Variants in PIGG observed in about 807,000 individuals in gnomAD.
The protein encoded by PIGG is GPI ethanolamine phosphate transferase 2, catalytic subunit.
Under a neutral mutation model 83.2 loss-of-function variants are expected in PIGG, and 70 were observed. That is an observed-to-expected ratio of 0.84 (90% CI 0.69 to 1.03). PIGG has a LOEUF of 1.03. Among genes scored for constraint, PIGG ranks in the 50% least tolerant of loss-of-function variants. PIGG has a pLI of 0.00. For synonymous variants in PIGG, 532 were observed against 519.5 expected, an observed-to-expected ratio of 1.02 and a Z score of -0.33; for missense variants, 1,257 against 1,233.6, an observed-to-expected ratio of 1.02 and a Z score of -0.28.
intron 4 of PIGG, among the ~76,000 whole-genome samples, chr4:508,625 T>C (rs2108813054): frequency 6.6e-6 from 1 of 152,346 alleles, no homozygotes; most frequent in Non-Finnish European, 1.5e-5. Context: ...CCATGAGCTG[T>C]GTACAATTCT....
rs1716752183 is a variant in PIGG at position 499,505 on chromosome 4, C to CG, written c.154+18dup. 1 of 1,580,788 alleles carries CG rather than the reference C, an allele frequency of 6.3e-7. No homozygotes were observed. Among genetic ancestry groups the CG allele is most frequent in the Non-Finnish European group, 8.5e-7 (1 of 1,170,158 alleles). On this transcript the variant is annotated intron_variant, in intron 1 of 12. Transcript: ENST00000453061. ...CCCTCGGCTGGTACGGACCCCTCCC[C>CG]GGCGTCTCCGCTCCCCTGACCCCAC...
chr4:522,010 T>C, intron 8 of PIGG, 69 bp downstream of exon 8: 1 of 1,550,192 alleles, frequency 6.5e-7, no homozygotes, highest in Non-Finnish European at 8.9e-7. Context: ...TATTTCAGGC[T>C]GCCTTTCGTT....
intron 1 of PIGG, 186 bp downstream of exon 1, chr4:499,675 G>A: frequency 7.1e-7 from 1 of 1,409,580 alleles, no homozygotes; most frequent in Non-Finnish European, 9.2e-7. Context: ...CAACTTTGTG[G>A]CAACCACCTC....
In PIGG at chr4:533,957, A is replaced by G. The variant is rs899621845; in HGVS notation, c.2711A>G (p.His904Arg). ...GTGCTGTGGGCCAGCCACTTAGTGC[A>G]CTTCCTGAGCTCAGAAACACGCAGG... ...GPVLWASHLV[H>R]FLSSETRSGS... The change falls in exon 12 of 13, where the codon CAC becomes CGC. Residue 904 changes from histidine (H) to arginine (R), a missense_variant. Coordinates refer to ENST00000453061, the MANE Select transcript of PIGG (RefSeq NM_001127178.3). The G allele has an allele frequency of 2.5e-6, 4 of 1,614,108 alleles. No individual in the cohort carries two copies. Among genetic ancestry groups the G allele is most frequent in the Non-Finnish European group, 1.7e-6 (2 of 1,179,998 alleles).
rs1451377050 is a variant in PIGG at position 539,352 on chromosome 4, A to G, written c.2935A>G (p.Arg979Gly). The G allele has an allele frequency of 1.9e-6, 3 of 1,604,582 alleles. No individual in the cohort carries two copies. Among genetic ancestry groups the G allele is most frequent in the Non-Finnish European group, 2.6e-6 (3 of 1,171,874 alleles). Reference protein sequence around the residue: ...CVFFTAMDQTRLTQS With the variant: ...CVFFTAMDQTGLTQS ...ATTCTTCACGGCAATGGATCAAACC[A>G]GACTCACACAGTCTTAGACTAAGCT... is the stretch of plus-strand genomic sequence containing the variant. The change falls in exon 13 of 13, where the codon AGA (arginine) becomes GGA (glycine). Residue 979 changes from arginine (R) to glycine (G), a missense_variant. Coordinates refer to ENST00000453061, the MANE Select transcript of PIGG (RefSeq NM_001127178.3).
chr4:507,343 C>G (rs1553880059), intron 3 of PIGG, 62 bp from the exon 4 acceptor site: 1 of 1,338,354 alleles, frequency 7.5e-7, no homozygotes, highest in Non-Finnish European at 1.0e-6. Flanking sequence ...TGCGTTTTCC[C>G]CGGGGAGTGA....
intron 11 of PIGG, 153 bp downstream of exon 11, chr4:530,898 G>A (rs1302316216): frequency 2.7e-5 from 17 of 622,838 alleles, no homozygotes; most frequent in Non-Finnish European, 4.5e-5. Flanking sequence ...ATAAGACAAA[G>A]TACAGCCGGT....
At chr4:533,743 G>A (rs1365039079) in intron 11 of PIGG, 75 bp from the exon 12 acceptor site, 25 of 1,401,772 alleles carry the variant, frequency 1.8e-5, no homozygotes, top group Non-Finnish European at 2.2e-5. Context: ...CGCTAACATC[G>A]TGGCTCACGC....
chr4:500,449 A>G lies in PIGG; in HGVS notation c.208A>G (p.Ile70Val). 6.2e-7 allele frequency: 1 copy of G among 1,614,008 alleles called. No homozygotes were observed. Among genetic ancestry groups the G allele is most frequent in the Non-Finnish European group, 8.5e-7 (1 of 1,179,894 alleles). ...LPPPLFSKVV[I>V]VLIDALRDDF... ...ACCACCTCTCTTCAGTAAAGTTGTTATTGTTCTGATAGATGCCTTGAGAGA... is the reference window on the plus strand; with the variant it reads ...ACCACCTCTCTTCAGTAAAGTTGTTGTTGTTCTGATAGATGCCTTGAGAGA... The change falls in exon 2 of 13, where the codon ATT becomes GTT. Residue 70 changes from isoleucine to valine, a missense_variant. Transcript: ENST00000453061.
chr4:517,877 T>G (rs1240885504), intron 6 of PIGG, among the ~76,000 whole-genome samples: 1 of 152,220 alleles, frequency 6.6e-6, no homozygotes, highest in Non-Finnish European at 1.5e-5. Flanking sequence ...GAATCATGTT[T>G]GATACTGGGA....
chr4:527,403 G>A (rs1727954255), intron 10 of PIGG, 173 bp downstream of exon 10: 1 of 1,352,300 alleles, frequency 7.4e-7, no homozygotes, highest in Non-Finnish European at 9.5e-7. Context: ...AGCTACTGGA[G>A]TGTAACTAAG....
chr4:505,863 T>G lies in PIGG; in HGVS notation c.506T>G (p.Leu169Ter), dbSNP rs1252110943. The G allele has an allele frequency of 5.0e-6, 8 of 1,613,482 alleles. No individual in the cohort carries two copies. The highest frequency in any genetic ancestry group is 5.9e-6 in the Non-Finnish European group (7 of 1,179,926). ...VFYGDETWVK[L>*]FPKHFVEYDG... is the part of the protein sequence containing the mutation. ...TATGGAGATGAAACCTGGGTTAAAT[T>G]ATTCCCAAAGCATTTTGTGGAATAT... The change falls in exon 3 of 13, where the codon TTA becomes TGA. Residue 169 changes from leucine to a stop codon, truncating the protein, a stop_gained. Transcript: ENST00000453061. LOFTEE classifies it high-confidence loss of function.
chr4:535,526 T>G (rs1008713356), intron 12 of PIGG, among the ~76,000 whole-genome samples: 1 of 113,780 alleles, frequency 8.8e-6, no homozygotes, highest in South Asian at 2.6e-4. Context: ...GCCAGAGCTT[T>G]GCGTGTGTCC....
chr4:515,538 G>T lies in PIGG; in HGVS notation c.902-435G>T, dbSNP rs553294953. ...TTATTTTCTCCATGAGCAACAGCAT[G>T]TGTGCTCGTAGAGGGCAGAGCATGG... On this transcript the variant is annotated intron_variant, in intron 5 of 12. Transcript: ENST00000453061. This position sits in a 1 kb window ranked among gnomAD's most constrained non-coding sequence, Gnocchi z 4.2. 6.6e-6 allele frequency among the ~76,000 whole-genome samples: 1 copy of T among 152,374 alleles called. No homozygotes were observed. Among genetic ancestry groups the T allele is most frequent in the South Asian group, 2.1e-4 (1 of 4,834 alleles).
At position 523,685 on chromosome 4, in the gene PIGG, G is replaced by A. The variant is rs537959060; in HGVS notation, c.1841G>A (p.Gly614Glu). ...CCGTGTGGCCTCTGTGTGGAACAAG[G>A]GCATGACGGGGCCACAGCAGCGTGG... ...EPPCGLCVEQGHDGATAAWQD... is the reference protein window; with the variant it reads ...EPPCGLCVEQEHDGATAAWQD... The change falls in exon 9 of 13, where the codon GGG (glycine) becomes GAG (glutamate). Residue 614 changes from glycine to glutamate, a missense_variant. Coordinates refer to ENST00000453061, the MANE Select transcript of PIGG (RefSeq NM_001127178.3). 2.5e-6 allele frequency: 4 copies of A among 1,614,126 alleles called. No individual in the cohort carries two copies. The highest frequency in any genetic ancestry group is 3.4e-6 in the Non-Finnish European group (4 of 1,180,048).
chr4:533,978 G>A lies in PIGG; in HGVS notation c.2732G>A (p.Arg911His), dbSNP rs373159674. The A allele has an allele frequency of 7.3e-5, 117 of 1,613,772 alleles. No homozygotes were observed. Among genetic ancestry groups the A allele is most frequent in the African/African-American group, 3.6e-4 (27 of 74,956 alleles). The part of the protein sequence containing the change: ...HLVHFLSSET[R>H]SGSALSHACF... Reference sequence around the variant, plus strand: ...GTGCACTTCCTGAGCTCAGAAACACGCAGGTGAGGCGCCTCTCTGCCGTCA... The same window carrying A: ...GTGCACTTCCTGAGCTCAGAAACACACAGGTGAGGCGCCTCTCTGCCGTCA... The change falls in exon 12 of 13, where the codon CGC (arginine) becomes CAC (histidine). Residue 911 changes from arginine to histidine, a missense_variant. By Grantham distance (29) the Arg-to-His change is conservative. Transcript: ENST00000453061.
rs1409035767 is a variant in PIGG at position 523,588 on chromosome 4, G to A, written c.1744G>A (p.Val582Met). The change falls in exon 9 of 13, where the codon GTG becomes ATG. Residue 582 changes from valine to methionine, a missense_variant. Coordinates refer to ENST00000453061, the MANE Select transcript of PIGG (RefSeq NM_001127178.3). The part of the protein sequence containing the change: ...EEEHQTWYFL[V>M]NTLCLALSQE... ...GGAGCACCAGACCTGGTACTTCCTT[G>A]TGAACACCCTGTGTCTAGCTCTGAG... 5 of 1,614,174 alleles carry A rather than the reference G, an allele frequency of 3.1e-6. No individual in the cohort carries two copies. Among genetic ancestry groups the A allele is most frequent in the East Asian group, 2.2e-5 (1 of 44,876 alleles).
chr4:523,591 A>G lies in PIGG; in HGVS notation c.1747A>G (p.Asn583Asp), dbSNP rs987849682. 1 of 1,614,022 alleles carries G rather than the reference A, an allele frequency of 6.2e-7. No homozygotes were observed. Among genetic ancestry groups the G allele is most frequent in the African/African-American group, 1.3e-5 (1 of 74,892 alleles). ...EEHQTWYFLV[N>D]TLCLALSQET... Reference sequence around the variant, plus strand: ...GCACCAGACCTGGTACTTCCTTGTGAACACCCTGTGTCTAGCTCTGAGCCA... The same window carrying G: ...GCACCAGACCTGGTACTTCCTTGTGGACACCCTGTGTCTAGCTCTGAGCCA... Residue 583 changes from asparagine (N) to aspartate (D), a missense_variant, in exon 9 of 13, where the codon AAC (asparagine) becomes GAC (aspartate). Physicochemically the swap from Asn to Asp is conservative, Grantham distance 23. Transcript: ENST00000453061.
Position 508,869 on chromosome 4 carries a change from GT to G in PIGG, c.801del (p.Asp268ThrfsTer18), listed in dbSNP as rs1720864617. 1.2e-6 allele frequency: 2 copies of G among 1,613,858 alleles called. No individual in the cohort carries two copies. Among genetic ancestry groups the G allele is most frequent in the Non-Finnish European group, 1.7e-6 (2 of 1,179,880 alleles). The part of the protein sequence containing the change: ...TPLPNLLVLC[G>X]DHGMSETGSH... ...TTACCCAATTTGCTGGTTCTTTGTG[GT>G]GACCATGGCATGTCTGAAACAGGAA... is the stretch of plus-strand genomic sequence containing the variant. On this transcript the variant is annotated frameshift_variant, in exon 5 of 13. Coordinates refer to ENST00000453061, the MANE Select transcript of PIGG (RefSeq NM_001127178.3). LOFTEE classifies it high-confidence loss of function.
Sources: allele counts gnomAD v4.1 joint callset (sites outside exome capture counted in the v4.1 genomes callset), GRCh38; gene constraint gnomAD v4.1.1; non-coding constraint Gnocchi (gnomAD v3.1); transcripts MANE v1.5; gene names NCBI Gene and HGNC (gene_info 2026-07-23, HGNC 2026-07-21).